CNTNAP2: variants seen among roughly 807,000 people sequenced by gnomAD.
CNTNAP2 encodes the protein contactin-associated protein-like 2.
In CNTNAP2, 98 loss-of-function variants were observed where a neutral mutation model predicts 155.2. That is an observed-to-expected ratio of 0.63 (90% CI 0.54 to 0.75). The LOEUF (loss-of-function observed/expected upper bound fraction) is 0.75. Among genes scored for constraint, CNTNAP2 ranks in the 30% least tolerant of loss-of-function variants. CNTNAP2 has a pLI of 0.00. For synonymous variants in CNTNAP2, 651 were observed against 631.2 expected (o/e 1.03, Z -0.47); for missense variants, 1,727 against 1,688.1 (o/e 1.02, Z -0.40).
At chr7:146,483,282 AATATATATAT>A (rs200796835) in intron 1 of CNTNAP2, among the ~76,000 whole-genome samples, 56 of 39,868 alleles carry the variant, frequency 1.4e-3, no homozygotes, top group African/African-American at 2.8e-3. Flanking sequence ...TCTAAAAAAA[AATATATATAT>A]ATATATATAT....
chr7:148,220,952 G>T (rs1795738648), intron 19 of CNTNAP2, among the ~76,000 whole-genome samples: 1 of 152,022 alleles, frequency 6.6e-6, no homozygotes, highest in Non-Finnish European at 1.5e-5. Context: ...CCAGGAGGAG[G>T]GCTCTCACCC....
intron 1 of CNTNAP2, among the ~76,000 whole-genome samples, chr7:146,336,211 A>AG (rs1801271980): frequency 6.6e-6 from 1 of 151,972 alleles, no homozygotes; most frequent in African/African-American, 2.4e-5. Flanking sequence ...AAAAAAAAAA[A>AG]AAAGTAAAAA....
chr7:146,674,208 C>T (rs1800356856), intron 1 of CNTNAP2, among the ~76,000 whole-genome samples: 1 of 152,142 alleles, frequency 6.6e-6, no homozygotes, highest in Non-Finnish European at 1.5e-5. Flanking sequence ...TTCTAGTGCT[C>T]TTTCAAGACC....
At chr7:148,331,322 A>C (rs1256359109) in intron 21 of CNTNAP2, among the ~76,000 whole-genome samples, 6 of 133,398 alleles carry the variant, frequency 4.5e-5, no homozygotes, top group Non-Finnish European at 7.8e-5. Flanking sequence ...GGACGCATGG[A>C]ATGGACGGAT....
chr7:146,277,744 TA>T (rs1800186163), intron 1 of CNTNAP2, among the ~76,000 whole-genome samples: 2 of 152,126 alleles, frequency 1.3e-5, no homozygotes, highest in Admixed American at 1.3e-4. Context: ...CAGAAAGTAG[TA>T]AACAAGTCCA....
At chr7:147,033,160 G>GTATATATA (rs3081742) in intron 3 of CNTNAP2, among the ~76,000 whole-genome samples, 86 of 90,808 alleles carry the variant, frequency 9.5e-4, no homozygotes, top group Admixed American at 1.0e-3. Flanking sequence ...ATATATATAT[G>GTATATATA]TATATATATA....
chr7:146,621,489 C>G (rs905598104), intron 1 of CNTNAP2, among the ~76,000 whole-genome samples: 1 of 152,128 alleles, frequency 6.6e-6, no homozygotes, highest in Non-Finnish European at 1.5e-5. Flanking sequence ...ATGACTGTTT[C>G]TCAGACTTTA....
intron 1 of CNTNAP2, among the ~76,000 whole-genome samples, chr7:146,663,509 A>T (rs12669096): frequency 0.66 from 100,139 of 151,798 alleles, 35,590 homozygotes; most frequent in South Asian, 0.88. Flanking sequence ...AGTCTTCCCA[A>T]ATATCGGTCT....
At chr7:148,356,871 T>G (rs1357648122) in intron 21 of CNTNAP2, among the ~76,000 whole-genome samples, 3 of 151,780 alleles carry the variant, frequency 2.0e-5, no homozygotes, top group Admixed American at 6.6e-5. Context: ...ATCGAAAATT[T>G]TATGTTGTTT....
At chr7:147,089,172 C>T (rs1464402369) in intron 4 of CNTNAP2, among the ~76,000 whole-genome samples, 2 of 152,132 alleles carry the variant, frequency 1.3e-5, no homozygotes, top group East Asian at 3.9e-4. Context: ...AGCTGTTGCC[C>T]CTGCAGAGAG....
At chr7:146,711,757 G>C (rs1285181553) in intron 1 of CNTNAP2, among the ~76,000 whole-genome samples, 165 of 138,898 alleles carry the variant, frequency 1.2e-3, no homozygotes, top group African/African-American at 4.0e-3. Context: ...CACATCTTAT[G>C]TATACATATA....
intron 3 of CNTNAP2, among the ~76,000 whole-genome samples, chr7:146,874,410 G>C (rs1287472238): frequency 2.6e-5 from 4 of 151,940 alleles, no homozygotes; most frequent in Admixed American, 2.6e-4. Flanking sequence ...TGCAATCTTG[G>C]CTCACTGTAA....
At chr7:147,939,238 T>C (rs1800670792) in intron 14 of CNTNAP2, among the ~76,000 whole-genome samples, 1 of 152,158 alleles carries the variant, frequency 6.6e-6, no homozygotes, top group East Asian at 1.9e-4. Context: ...TTTACTCACA[T>C]TTAACTAAAA....
chr7:147,942,444 T>C (rs374107393), intron 14 of CNTNAP2, among the ~76,000 whole-genome samples: 14 of 152,312 alleles, frequency 9.2e-5, no homozygotes, highest in Admixed American at 2.0e-4. Flanking sequence ...AGAGGAGGAA[T>C]TGTAAAAACT....
chr7:146,688,117 A>G (rs2172722), intron 1 of CNTNAP2, among the ~76,000 whole-genome samples: 7,497 of 152,246 alleles, frequency 0.049, 670 homozygotes, highest in African/African-American at 0.17. Flanking sequence ...ATCCCACAGC[A>G]TTAAATAGGC....
chr7:147,471,779 A>G (rs1003199779), intron 10 of CNTNAP2, among the ~76,000 whole-genome samples: 5 of 152,248 alleles, frequency 3.3e-5, no homozygotes, highest in Non-Finnish European at 7.3e-5. Context: ...TCTCATGGAA[A>G]TTACAGGTCA....
intron 17 of CNTNAP2, among the ~76,000 whole-genome samples, chr7:148,157,807 C>A (rs1322283603): frequency 6.6e-6 from 1 of 152,104 alleles, no homozygotes; most frequent in East Asian, 1.9e-4. Flanking sequence ...TAATTAGAAA[C>A]CATTGCCATA....
intron 18 of CNTNAP2, among the ~76,000 whole-genome samples, chr7:148,206,469 G>A (rs571640777): frequency 6.6e-6 from 1 of 151,916 alleles, no homozygotes. Context: ...TTATTTCAAG[G>A]TATATTGGTC....
intron 12 of CNTNAP2, among the ~76,000 whole-genome samples, chr7:147,617,688 G>C (rs1405945189): frequency 6.6e-6 from 1 of 152,024 alleles, no homozygotes; most frequent in Non-Finnish European, 1.5e-5. Flanking sequence ...CCAGAATTAG[G>C]AAAACACATT....
Sources: gnomAD v4.1 joint callset for allele counts (sites outside exome capture counted in the v4.1 genomes callset) on GRCh38, gnomAD v4.1.1 for gene constraint, MANE v1.5 for transcripts, NCBI Gene and HGNC (gene_info 2026-07-23, HGNC 2026-07-21) for gene names.